Variants in IL1RAPL2 observed in about 807,000 individuals in gnomAD.
IL1RAPL2 encodes interleukin 1 receptor accessory protein like 2.
In IL1RAPL2, 3 loss-of-function variants were observed where a neutral mutation model predicts 44.1. The ratio of observed to expected loss-of-function variants is 0.07; its 90% CI spans 0.03 to 0.18. The LOEUF (loss-of-function observed/expected upper bound fraction) is 0.18. Ranked by LOEUF, IL1RAPL2 falls within the 10% of genes least tolerant of loss-of-function variation. The pLI, the probability that IL1RAPL2 is intolerant of heterozygous loss-of-function variation, is 1.00. For missense variants in IL1RAPL2, 391 were observed against 496.4 expected, an observed-to-expected ratio of 0.79 and a Z score of 2.02; for synonymous variants, 181 against 178.8, an observed-to-expected ratio of 1.01 and a Z score of -0.10.
chrX:104,795,716 T>C (rs962688582), intron 2 of IL1RAPL2, among the ~76,000 whole-genome samples: 1 of 111,712 alleles, frequency 9.0e-6, no homozygotes. Context: ...GATACACTTC[T>C]ACTCCTACTG....
intron 6 of IL1RAPL2, among the ~76,000 whole-genome samples, chrX:105,486,217 A>G (rs1427797820): frequency 8.9e-6 from 1 of 112,066 alleles, no homozygotes; most frequent in Non-Finnish European, 1.9e-5. Context: ...TTTGATCTTT[A>G]TAATTCAGTT....
rs1049348417 is a variant in IL1RAPL2 at position 104,893,054 on chromosome X, A to C, written c.82+234059A>C. On this transcript the variant is annotated intron_variant, in intron 2 of 10. Transcript: ENST00000372582. ...GCCTCCATTTCGTTACGTACCCAGTAGTCATTCAGGAGCAGGTTGTTCAGT... is the reference window on the plus strand; with the variant it reads ...GCCTCCATTTCGTTACGTACCCAGTCGTCATTCAGGAGCAGGTTGTTCAGT... Among the ~76,000 whole-genome samples the C allele has an allele frequency of 8.9e-5, 10 of 112,087 alleles. No individual in the cohort carries two copies. In the East Asian group the frequency reaches 1.4e-3, roughly 16 times the overall value.
intron 2 of IL1RAPL2, among the ~76,000 whole-genome samples, chrX:105,105,069 T>C (rs983608343): frequency 7.1e-5 from 8 of 112,087 alleles, no homozygotes; most frequent in Non-Finnish European, 1.3e-4. Flanking sequence ...TGTTAGGCAA[T>C]TGAATGGATG....
intron 4 of IL1RAPL2, among the ~76,000 whole-genome samples, chrX:105,264,485 TG>T (rs779114969): frequency 1.8e-5 from 2 of 111,516 alleles, no homozygotes; most frequent in African/African-American, 6.5e-5. Flanking sequence ...AGCAGCTTAC[TG>T]GGAGAAAGAG....
intron 5 of IL1RAPL2, among the ~76,000 whole-genome samples, chrX:105,335,767 T>C (rs1433627666): frequency 9.0e-6 from 1 of 111,275 alleles, no homozygotes; most frequent in Non-Finnish European, 1.9e-5. Flanking sequence ...AAGGGGTAGA[T>C]GGTGGTGAAA....
chrX:104,938,605 C>A (rs1925083323), intron 2 of IL1RAPL2, among the ~76,000 whole-genome samples: 1 of 110,744 alleles, frequency 9.0e-6, no homozygotes, highest in South Asian at 3.9e-4. Context: ...ACTCTTCTTT[C>A]CCTTTTGTTT....
chrX:105,574,060 C>T (rs753637713), intron 6 of IL1RAPL2, among the ~76,000 whole-genome samples: 3 of 110,841 alleles, frequency 2.7e-5, no homozygotes, highest in South Asian at 3.8e-4. Flanking sequence ...AGAATCATCA[C>T]GAAAGCTAAG....
At chrX:104,905,863 G>T (rs758112022) in intron 2 of IL1RAPL2, among the ~76,000 whole-genome samples, 2,084 of 110,369 alleles carry the variant, frequency 0.019, 49 homozygotes, top group African/African-American at 0.064. Context: ...AGCTTGATGG[G>T]GATGGCATTG....
At chrX:105,001,908 T>C (rs1337121152) in intron 2 of IL1RAPL2, among the ~76,000 whole-genome samples, 1 of 110,790 alleles carries the variant, frequency 9.0e-6, no homozygotes, top group Admixed American at 9.7e-5. Flanking sequence ...GAATGAAAGA[T>C]GATGTGAAAA....
chrX:105,240,900 G>A (rs934785259), intron 4 of IL1RAPL2, among the ~76,000 whole-genome samples: 4 of 111,182 alleles, frequency 3.6e-5, no homozygotes, highest in East Asian at 2.8e-4. Context: ...TGAGGCAGGC[G>A]GATCTTTTGA....
intron 2 of IL1RAPL2, among the ~76,000 whole-genome samples, chrX:104,901,277 C>A (rs1923810318): frequency 2.2e-5 from 2 of 89,162 alleles, no homozygotes; most frequent in Non-Finnish European, 4.2e-5. Context: ...GTGGTGTGAT[C>A]TCCGCTCACT....
At chrX:105,551,863 T>C (rs1370970434) in intron 6 of IL1RAPL2, among the ~76,000 whole-genome samples, 1 of 111,506 alleles carries the variant, frequency 9.0e-6, no homozygotes, top group African/African-American at 3.3e-5. Context: ...CCCAGCACTT[T>C]GGGAGGCCGA....
At chrX:105,463,864 A>G (rs777817739) in intron 5 of IL1RAPL2, among the ~76,000 whole-genome samples, 1 of 112,172 alleles carries the variant, frequency 8.9e-6, no homozygotes, top group East Asian at 2.8e-4. Context: ...GTAATTTTGG[A>G]TGTTTGATAT....
rs1188243130 is a variant in IL1RAPL2, at chrX:105,546,937, C to G, written c.772+62550C>G. On this transcript the variant is annotated intron_variant, in intron 6 of 10. Coordinates refer to ENST00000372582, the MANE Select transcript of IL1RAPL2 (RefSeq NM_017416.2). ...GGCTTTAAATGATTTTATACATTTT[C>G]TCTTTTATTATTATCCATCTGATAC... is the stretch of plus-strand genomic sequence containing the variant. Among the ~76,000 whole-genome samples the G allele has an allele frequency of 2.7e-5, 3 of 111,868 alleles. 1 individual carries two copies. The highest frequency in any genetic ancestry group is 1.9e-4 in the Admixed American group (2 of 10,508).
At chrX:105,381,627 A>G (rs889448192) in intron 5 of IL1RAPL2, among the ~76,000 whole-genome samples, 5 of 111,819 alleles carry the variant, frequency 4.5e-5, no homozygotes, top group Non-Finnish European at 7.5e-5. Context: ...TTGTATGTGT[A>G]TATAATAGCT....
intron 2 of IL1RAPL2, among the ~76,000 whole-genome samples, chrX:104,878,372 A>G (rs1922967609): frequency 8.9e-6 from 1 of 112,072 alleles, no homozygotes; most frequent in African/African-American, 3.2e-5. Flanking sequence ...TGCTTTATAT[A>G]TTACTGTCTG....
At chrX:105,579,088 C>A (rs2037070754) in intron 6 of IL1RAPL2, among the ~76,000 whole-genome samples, 1 of 111,601 alleles carries the variant, frequency 9.0e-6, no homozygotes, top group Admixed American at 9.6e-5. Flanking sequence ...AAGTTCTACT[C>A]CCTACTTACA....
chrX:105,592,918 C>T (rs1371798510), intron 6 of IL1RAPL2, among the ~76,000 whole-genome samples: 1 of 111,298 alleles, frequency 9.0e-6, no homozygotes, highest in Non-Finnish European at 1.9e-5. Flanking sequence ...GGGGATGGTC[C>T]TCTTGTATAG....
At chrX:105,394,981 G>A (rs1362615817) in intron 5 of IL1RAPL2, among the ~76,000 whole-genome samples, 1 of 110,904 alleles carries the variant, frequency 9.0e-6, no homozygotes, top group Non-Finnish European at 1.9e-5. Flanking sequence ...TTATAATTGT[G>A]GCATATATTT....
Sources: gnomAD v4.1 joint callset for allele counts (sites outside exome capture counted in the v4.1 genomes callset) on GRCh38, gnomAD v4.1.1 for gene constraint, MANE v1.5 for transcripts, NCBI Gene and HGNC (gene_info 2026-07-23, HGNC 2026-07-21) for gene names.